Variants in DPF3 observed in about 807,000 individuals in gnomAD.
DPF3 encodes zinc finger protein DPF3.
A neutral mutation model predicts 56.8 loss-of-function variants in DPF3; 18 were observed. The ratio of observed to expected loss-of-function variants is 0.32; its 90% CI spans 0.22 to 0.47. The LOEUF is 0.47. DPF3 is among the 20% of genes least tolerant of loss of function. The pLI, the probability that DPF3 is intolerant of heterozygous loss-of-function variation, is 1.00. For synonymous variants in DPF3, 188 were observed against 180.2 expected (o/e 1.04, Z -0.35); for missense variants, 403 against 488.8 (o/e 0.82, Z 1.65).
chr14:72,780,136 C>A (rs58957804), intron 1 of DPF3, among the ~76,000 whole-genome samples: 2 of 152,210 alleles, frequency 1.3e-5, no homozygotes, highest in African/African-American at 4.8e-5. Context: ...AGCCCTACCC[C>A]TGAATCTCAA....
chr14:72,877,067 G>T (rs1295034457), intron 1 of DPF3, among the ~76,000 whole-genome samples: 1 of 152,178 alleles, frequency 6.6e-6, no homozygotes, highest in Non-Finnish European at 1.5e-5. Context: ...GGAGAAAGAC[G>T]TAAATAGTGA....
chr14:72,766,493 C>G (rs78905788), intron 2 of DPF3, among the ~76,000 whole-genome samples: 3,409 of 152,314 alleles, frequency 0.022, 165 homozygotes, highest in East Asian at 0.16. Context: ...ACTCTGTAGC[C>G]TGGGCTGGAG....
intron 8 of DPF3, among the ~76,000 whole-genome samples, chr14:72,668,910 C>T (rs1246265852): frequency 1.3e-5 from 2 of 152,146 alleles, no homozygotes; most frequent in East Asian, 1.9e-4. Flanking sequence ...ATTGTATCCC[C>T]GTAGCAGAAA....
At chr14:72,725,155 G>T (rs528771037) in intron 4 of DPF3, among the ~76,000 whole-genome samples, 2 of 152,114 alleles carry the variant, frequency 1.3e-5, no homozygotes, top group African/African-American at 4.8e-5. Context: ...TACGTGGCAG[G>T]CTCCATGCTA....
chr14:72,697,493 T>A (rs902576205), intron 6 of DPF3, among the ~76,000 whole-genome samples: 14 of 152,170 alleles, frequency 9.2e-5, no homozygotes, highest in African/African-American at 3.4e-4. Context: ...TCAAAGCACA[T>A]GCAGTTATCA....
chr14:72,691,904 A>C (rs940460116), intron 7 of DPF3, among the ~76,000 whole-genome samples: 9 of 152,050 alleles, frequency 5.9e-5, no homozygotes, highest in African/African-American at 2.2e-4. Flanking sequence ...CTGTGAGAAA[A>C]TTAATTTCTG....
chr14:72,779,274 T>C (rs1891873313), intron 1 of DPF3, among the ~76,000 whole-genome samples: 1 of 152,200 alleles, frequency 6.6e-6, no homozygotes, highest in Admixed American at 6.5e-5. Context: ...CAGAAAAACA[T>C]TGAGAGAATG....
intron 8 of DPF3, among the ~76,000 whole-genome samples, chr14:72,663,486 C>T (rs1335554749): frequency 1.3e-5 from 2 of 152,198 alleles, no homozygotes; most frequent in Admixed American, 6.5e-5. Flanking sequence ...CCTCTACTAG[C>T]ACAGTGATCC....
chr14:72,787,912 T>C (rs1458237810), intron 1 of DPF3, among the ~76,000 whole-genome samples: 1 of 152,192 alleles, frequency 6.6e-6, no homozygotes, highest in African/African-American at 2.4e-5. Flanking sequence ...AGCCTTTGCC[T>C]CTTCTTTTAT....
At chr14:72,664,656 G>A (rs1187194801) in intron 8 of DPF3, among the ~76,000 whole-genome samples, 1 of 149,672 alleles carries the variant, frequency 6.7e-6, no homozygotes, top group Non-Finnish European at 1.5e-5. Context: ...CTTAACCACT[G>A]GATGCTGTGT....
chr14:72,885,711 C>T (rs1053482493), intron 1 of DPF3, among the ~76,000 whole-genome samples: 5 of 152,088 alleles, frequency 3.3e-5, no homozygotes, highest in Non-Finnish European at 7.4e-5. Flanking sequence ...CTAGATTTTA[C>T]AGTCCAAAAA....
intron 1 of DPF3, among the ~76,000 whole-genome samples, chr14:72,783,506 G>A (rs1892075842): frequency 6.6e-6 from 1 of 152,204 alleles, no homozygotes; most frequent in South Asian, 2.1e-4. Context: ...CAGGGAATAA[G>A]AATCACACAG....
chr14:72,691,889 C>T (rs908950404), intron 7 of DPF3, among the ~76,000 whole-genome samples: 1 of 152,080 alleles, frequency 6.6e-6, no homozygotes, highest in African/African-American at 2.4e-5. Context: ...CTCCAGCCTC[C>T]AGAACTGTGA....
chr14:72,757,005 G>A (rs918632132), intron 2 of DPF3, among the ~76,000 whole-genome samples: 5 of 140,604 alleles, frequency 3.6e-5, no homozygotes, highest in Admixed American at 7.1e-5. Context: ...GAGAGGGAGA[G>A]AGGAGAGAAG....
intron 3 of DPF3, 142 bp downstream of exon 3, chr14:72,753,122 C>T (rs776663864): frequency 7.3e-5 from 50 of 685,784 alleles, no homozygotes; most frequent in Non-Finnish European, 1.1e-4. Context: ...AGAGGTGCAC[C>T]CTTAAGCATG....
chr14:72,666,861 C>G (rs570505197), intron 8 of DPF3, among the ~76,000 whole-genome samples: 13 of 152,312 alleles, frequency 8.5e-5, no homozygotes, highest in African/African-American at 2.9e-4. Context: ...GGAAAAATTC[C>G]TAACAGATGA....
intron 2 of DPF3, among the ~76,000 whole-genome samples, chr14:72,756,834 A>C (rs1290773072): frequency 3.9e-5 from 4 of 103,854 alleles, no homozygotes; most frequent in Non-Finnish European, 4.0e-5. Flanking sequence ...GAAAGAAAGA[A>C]AGAAAGAAAG....
rs77618444 is a variant in DPF3 at position 72,726,656 on chromosome 14, G to C, written c.430-2928C>G. On this transcript the variant is annotated intron_variant, in intron 4 of 10. Coordinates refer to ENST00000556509, the MANE Select transcript of DPF3 (RefSeq NM_001280542.3). ...TTGTTTCAGACCTCAGGAAGCGGAG[G>C]GGGAGTCCTGCATCAGGAGTCGCCG... Among the ~76,000 whole-genome samples, 1,264 of 152,284 alleles carry C rather than the reference G, an allele frequency of 8.3e-3. 23 individuals are homozygous for C. Among genetic ancestry groups the C allele is most frequent in the African/African-American group, 0.029 (1,202 of 41,554 alleles).
chr14:72,814,442 C>A (rs879662315), intron 1 of DPF3, among the ~76,000 whole-genome samples: 2 of 152,150 alleles, frequency 1.3e-5, no homozygotes, highest in Non-Finnish European at 2.9e-5. Context: ...GCCAGAATTA[C>A]CCTGATACCA....
Sources: allele counts gnomAD v4.1 joint callset (sites outside exome capture counted in the v4.1 genomes callset), GRCh38; gene constraint gnomAD v4.1.1; transcripts MANE v1.5; gene names NCBI Gene and HGNC (gene_info 2026-07-23, HGNC 2026-07-21).